Variants in SHC4 observed in about 807,000 individuals in gnomAD.
SHC4 encodes SHC adaptor protein 4.
In SHC4, 41 loss-of-function variants were observed where a neutral mutation model predicts 69.4. That is an observed-to-expected ratio of 0.59 (90% CI 0.46 to 0.77). SHC4 has a LOEUF of 0.77. SHC4 is among the 30% of genes least tolerant of loss of function. The pLI, the probability that SHC4 is intolerant of heterozygous loss-of-function variation, is 0.00. For synonymous variants in SHC4, 318 were observed against 299.3 expected (o/e 1.06, Z -0.64); for missense variants, 777 against 783.8 (o/e 0.99, Z 0.10).
chr15:48,878,501 T>G (rs1015274737), intron 4 of SHC4: 1 of 1,614,030 alleles, frequency 6.2e-7, no homozygotes, highest in South Asian at 1.1e-5. Flanking sequence ...GGAGGACGAC[T>G]ACGACTATCC....
At chr15:48,959,067 T>A (rs558399659) in intron 1 of SHC4, among the ~76,000 whole-genome samples, 10 of 152,200 alleles carry the variant, frequency 6.6e-5, no homozygotes, top group Middle Eastern at 3.2e-3. Flanking sequence ...GAAGAACCAT[T>A]TTTTAAAAAG....
At chr15:48,844,398 C>T (rs144159050) in intron 9 of SHC4, among the ~76,000 whole-genome samples, 7 of 152,322 alleles carry the variant, frequency 4.6e-5, no homozygotes, top group African/African-American at 1.7e-4. Context: ...AGCTACCCTT[C>T]TTCCTCTCTC....
chr15:48,900,462 G>A (rs1311359517), intron 2 of SHC4, among the ~76,000 whole-genome samples: 3 of 151,214 alleles, frequency 2.0e-5, no homozygotes, highest in Admixed American at 1.3e-4. Flanking sequence ...AGCTGAGATC[G>A]TGCTACTGCA....
At chr15:48,881,477 G>A (rs185764083) in intron 4 of SHC4, among the ~76,000 whole-genome samples, 10 of 151,756 alleles carry the variant, frequency 6.6e-5, no homozygotes, top group Admixed American at 4.6e-4. Context: ...GGTAGCACTT[G>A]ACATTTATCA....
intron 11 of SHC4, among the ~76,000 whole-genome samples, chr15:48,828,207 A>C (rs545134576): frequency 6.6e-4 from 101 of 152,056 alleles, no homozygotes; most frequent in African/African-American, 2.4e-3. Context: ...CAGTATTGTT[A>C]ACTGTTAAGT....
intron 2 of SHC4, among the ~76,000 whole-genome samples, chr15:48,908,589 G>A (rs1321553008): frequency 1.3e-5 from 2 of 151,974 alleles, no homozygotes; most frequent in African/African-American, 2.4e-5. Flanking sequence ...TTTTTATTGC[G>A]TTTGCTTTTG....
chr15:48,876,603 G>C (rs1297072185), intron 4 of SHC4: 7 of 698,590 alleles, frequency 1.0e-5, no homozygotes, highest in Middle Eastern at 2.4e-4. Context: ...AGGAGAGCCA[G>C]TCCGAGTTCT....
At chr15:48,871,992 G>A in intron 5 of SHC4, 97 bp downstream of exon 5, 1 of 756,052 alleles carries the variant, frequency 1.3e-6, no homozygotes, top group Non-Finnish European at 2.2e-6. Context: ...GGCTAATATG[G>A]TTTATGTAAA....
intron 1 of SHC4, among the ~76,000 whole-genome samples, chr15:48,938,921 C>T (rs1350962401): frequency 1.3e-5 from 2 of 152,188 alleles, no homozygotes; most frequent in East Asian, 3.8e-4. Context: ...CACGTACTGG[C>T]TGTGAAACCT....
intron 1 of SHC4, among the ~76,000 whole-genome samples, chr15:48,952,552 C>G (rs1312616850): frequency 6.6e-6 from 1 of 152,072 alleles, no homozygotes; most frequent in Non-Finnish European, 1.5e-5. Flanking sequence ...AGGTCTAGTA[C>G]TCACCATCTA....
intron 2 of SHC4, among the ~76,000 whole-genome samples, chr15:48,914,961 G>A (rs1188843243): frequency 6.6e-6 from 1 of 152,070 alleles, no homozygotes; most frequent in African/African-American, 2.4e-5. Flanking sequence ...CTTTGGATTT[G>A]ACTACTGTAG....
intron 2 of SHC4, among the ~76,000 whole-genome samples, chr15:48,921,342 T>C (rs1336445822): frequency 6.6e-6 from 1 of 151,516 alleles, no homozygotes; most frequent in East Asian, 1.9e-4. Context: ...TTTTTTTTTT[T>C]TTTTCCTTTG....
At chr15:48,925,998 C>G (rs74012192) in intron 1 of SHC4, among the ~76,000 whole-genome samples, 6,106 of 152,158 alleles carry the variant, frequency 0.04, 393 homozygotes, top group African/African-American at 0.14. Flanking sequence ...GCAGAGGGAA[C>G]AGTGATGCCA....
At chr15:48,827,826 T>C (rs988398745) in intron 11 of SHC4, among the ~76,000 whole-genome samples, 1 of 152,152 alleles carries the variant, frequency 6.6e-6, no homozygotes, top group African/African-American at 2.4e-5. Flanking sequence ...ATGACTTATT[T>C]GAAAAAAATA....
At chr15:48,937,174 T>G (rs912557373) in intron 1 of SHC4, among the ~76,000 whole-genome samples, 8 of 152,240 alleles carry the variant, frequency 5.3e-5, no homozygotes, top group African/African-American at 1.9e-4. Context: ...TATTATATCA[T>G]TTGAGCCTCA....
intron 11 of SHC4, among the ~76,000 whole-genome samples, chr15:48,830,838 C>T (rs1238692508): frequency 6.6e-6 from 1 of 152,164 alleles, no homozygotes; most frequent in Non-Finnish European, 1.5e-5. Flanking sequence ...GACACTTTCT[C>T]AAGAGACTCA....
At chr15:48,948,023 G>A (rs1901304448) in intron 1 of SHC4, 1 of 152,228 alleles carries the variant, frequency 6.6e-6, no homozygotes, top group South Asian at 2.1e-4. Context: ...TCCATCTCCA[G>A]AGACACCCTT....
chr15:48,862,078 AGCCAGTATTCAGTTCATAGCTAATTAAT>A (rs1315190789), intron 6 of SHC4, among the ~76,000 whole-genome samples: 2 of 152,220 alleles, frequency 1.3e-5, no homozygotes, highest in African/African-American at 2.4e-5. Context: ...CAAAGAGGCA[AGCCAGTATTCAGTTCATAGCTAATTAAT>A]ACCACCAGGA....
chr15:48,903,026 T>C (rs1297758853), intron 2 of SHC4, among the ~76,000 whole-genome samples: 1 of 152,234 alleles, frequency 6.6e-6, no homozygotes, highest in African/African-American at 2.4e-5. Flanking sequence ...AAAATCATTT[T>C]CAGAGAATTT....
Sources: gnomAD v4.1 joint callset for allele counts (sites outside exome capture counted in the v4.1 genomes callset) on GRCh38, gnomAD v4.1.1 for gene constraint, MANE v1.5 for transcripts, NCBI Gene and HGNC (gene_info 2026-07-23, HGNC 2026-07-21) for gene names.